Variants in HS3ST4 observed in about 807,000 individuals in gnomAD.
The protein encoded by HS3ST4 is heparan sulfate-glucosamine 3-sulfotransferase 4, also known as heparan sulfate glucosamine 3-O-sulfotransferase 4.
Under a neutral mutation model 29.2 loss-of-function variants are expected in HS3ST4, and 17 were observed. That is an observed-to-expected ratio of 0.58 (90% CI 0.40 to 0.87). The LOEUF (loss-of-function observed/expected upper bound fraction) is 0.87. Ranked by LOEUF, HS3ST4 falls within the 40% of genes least tolerant of loss-of-function variation. The pLI is 0.00. For synonymous variants in HS3ST4, 314 were observed against 285.7 expected (o/e 1.10, Z -1.00); for missense variants, 627 against 634.5 (o/e 0.99, Z 0.13).
rs557249673 is a variant in HS3ST4 at position 25,923,518 on chromosome 16, T to C, written c.735-212094T>C. On this transcript the variant is annotated intron_variant, in intron 1 of 1. Transcript: ENST00000331351. ...CAGAATAAGAGTGAACAGGTTTCTG[T>C]GACTAAATTAGCTTTTTTTGTTTGT... Among the ~76,000 whole-genome samples the C allele has an allele frequency of 9.2e-5, 14 of 152,312 alleles. No individual in the cohort carries two copies. In the East Asian group the frequency reaches 2.7e-3, roughly 29 times the overall value.
At chr16:25,731,986 C>G (rs1440415245) in intron 1 of HS3ST4, among the ~76,000 whole-genome samples, 1 of 152,148 alleles carries the variant, frequency 6.6e-6, no homozygotes, top group East Asian at 1.9e-4. Context: ...TGCAAAGGAG[C>G]AGTTTAATCA....
intron 1 of HS3ST4, among the ~76,000 whole-genome samples, chr16:25,902,792 C>CAA (rs372161667): frequency 0.026 from 3,862 of 151,328 alleles, 158 homozygotes; most frequent in African/African-American, 0.087. Context: ...AAAAACAGAA[C>CAA]AAAAAAAACA....
intron 1 of HS3ST4, among the ~76,000 whole-genome samples, chr16:25,704,815 G>A (rs561255411): frequency 6.6e-6 from 1 of 150,858 alleles, no homozygotes; most frequent in Non-Finnish European, 1.5e-5. Flanking sequence ...GAAGGCAGAG[G>A]TTGCAGTGAG....
intron 1 of HS3ST4, among the ~76,000 whole-genome samples, chr16:26,095,693 C>T (rs1249514409): frequency 6.6e-6 from 1 of 152,088 alleles, no homozygotes; most frequent in East Asian, 1.9e-4. Flanking sequence ...ACTCTAACAT[C>T]ACAATTAAAA....
intron 1 of HS3ST4, among the ~76,000 whole-genome samples, chr16:25,999,894 A>ATATATTTTATATATATTATATATATATTT (rs1555477414): frequency 6.7e-5 from 7 of 103,722 alleles, no homozygotes; most frequent in East Asian, 2.5e-4. Flanking sequence ...ATATATATAT[A>ATATATTTTATATATATTATATATATATTT]TTTTATATAT....
chr16:25,726,859 C>G (rs1217395598), intron 1 of HS3ST4, among the ~76,000 whole-genome samples: 2 of 152,128 alleles, frequency 1.3e-5, no homozygotes, highest in Non-Finnish European at 2.9e-5. Flanking sequence ...TTACATTTCT[C>G]ACATATGCTG....
At chr16:25,713,075 TG>T (rs1177802525) in intron 1 of HS3ST4, among the ~76,000 whole-genome samples, 1 of 152,126 alleles carries the variant, frequency 6.6e-6, no homozygotes, top group Non-Finnish European at 1.5e-5. Flanking sequence ...ATTTATTTTT[TG>T]TAAGTTCTGG....
intron 1 of HS3ST4, among the ~76,000 whole-genome samples, chr16:25,979,312 C>T (rs1299402723): frequency 1.3e-5 from 2 of 152,168 alleles, no homozygotes; most frequent in Non-Finnish European, 2.9e-5. Flanking sequence ...AACCCAGTAC[C>T]ATTCCATGGC....
intron 1 of HS3ST4, among the ~76,000 whole-genome samples, chr16:26,009,771 C>T (rs2141738853): frequency 6.6e-6 from 1 of 152,306 alleles, no homozygotes; most frequent in South Asian, 2.1e-4. Context: ...TTAGCTAAAG[C>T]AGTTCACGTG....
intron 1 of HS3ST4, among the ~76,000 whole-genome samples, chr16:25,954,039 ATG>A (rs1968704972): frequency 6.6e-6 from 1 of 152,248 alleles, no homozygotes; most frequent in South Asian, 2.1e-4. Context: ...AGCTATCTGA[ATG>A]TTTAGAAATG....
intron 1 of HS3ST4, among the ~76,000 whole-genome samples, chr16:25,816,421 G>T (rs1282368625): frequency 6.6e-6 from 1 of 152,180 alleles, no homozygotes; most frequent in Admixed American, 6.5e-5. Context: ...CTCGTGGACT[G>T]TCTTAGGTGC....
intron 1 of HS3ST4, among the ~76,000 whole-genome samples, chr16:26,049,296 G>A (rs112375312): frequency 6.6e-5 from 10 of 151,274 alleles, no homozygotes; most frequent in African/African-American, 1.7e-4. Flanking sequence ...GGCAAGGTGA[G>A]GGGGGAGGAA....
chr16:26,079,028 G>C (rs567609889), intron 1 of HS3ST4, among the ~76,000 whole-genome samples: 1 of 152,346 alleles, frequency 6.6e-6, no homozygotes, highest in East Asian at 1.9e-4. Flanking sequence ...TGCTTGGCAG[G>C]AAGAAAAGAA....
chr16:25,761,745 A>G (rs943197872), intron 1 of HS3ST4, among the ~76,000 whole-genome samples: 1 of 152,296 alleles, frequency 6.6e-6, no homozygotes, highest in Admixed American at 6.5e-5. Flanking sequence ...TGACACCTCT[A>G]TTGTGCCCCA....
At chr16:26,065,716 G>A (rs943659011) in intron 1 of HS3ST4, among the ~76,000 whole-genome samples, 2 of 152,188 alleles carry the variant, frequency 1.3e-5, no homozygotes. Flanking sequence ...GATAAAGAGG[G>A]AGAGGAGGCA....
At chr16:25,829,536 T>C (rs1967272269) in intron 1 of HS3ST4, among the ~76,000 whole-genome samples, 1 of 152,206 alleles carries the variant, frequency 6.6e-6, no homozygotes, top group African/African-American at 2.4e-5. Context: ...GAACACTGAA[T>C]GCATTAGTTA....
intron 1 of HS3ST4, among the ~76,000 whole-genome samples, chr16:25,862,179 T>G (rs28413129): frequency 1.9e-5 from 1 of 52,932 alleles, no homozygotes; most frequent in Admixed American, 1.9e-4. Context: ...ATTTATTTAT[T>G]TATTTATTTA....
intron 1 of HS3ST4, among the ~76,000 whole-genome samples, chr16:26,099,137 C>T (rs190793276): frequency 1.3e-5 from 2 of 152,248 alleles, no homozygotes; most frequent in African/African-American, 4.8e-5. Flanking sequence ...TTCCCCAAGT[C>T]AAACATCTGG....
chr16:25,897,629 T>G (rs1968081026), intron 1 of HS3ST4, among the ~76,000 whole-genome samples: 1 of 152,062 alleles, frequency 6.6e-6, no homozygotes, highest in African/African-American at 2.4e-5. Flanking sequence ...TTGAACTGGA[T>G]AACACATGGG....
Sources: gnomAD v4.1 joint callset for allele counts (sites outside exome capture counted in the v4.1 genomes callset) on GRCh38, gnomAD v4.1.1 for gene constraint, MANE v1.5 for transcripts, NCBI Gene and HGNC (gene_info 2026-07-23, HGNC 2026-07-21) for gene names.